Variants in ARID4B observed in about 807,000 individuals in gnomAD.
The protein encoded by ARID4B is AT-rich interactive domain-containing protein 4B.
A neutral mutation model predicts 147.5 loss-of-function variants in ARID4B; 26 were observed. The observed-to-expected ratio is 0.18, with a 90% CI of 0.13 to 0.24. The LOEUF (loss-of-function observed/expected upper bound fraction) is 0.24. Ranked by LOEUF, ARID4B falls within the 10% of genes least tolerant of loss-of-function variation. The probability of loss-of-function intolerance (pLI) is 1.00; values close to 1 mark genes in which losing one functional copy is unlikely to be tolerated. For missense variants in ARID4B, 1,179 were observed against 1,511.5 expected, an observed-to-expected ratio of 0.78 and a Z score of 3.65; for synonymous variants, 512 against 507.9, an observed-to-expected ratio of 1.01 and a Z score of -0.11.
intron 2 of ARID4B, among the ~76,000 whole-genome samples, chr1:235,309,630 G>A (rs75903955): frequency 0.087 from 6,659 of 76,302 alleles, 15 homozygotes; most frequent in South Asian, 0.15. Context: ...CTACTGGGAA[G>A]TGAGGAGCCC....
intron 16 of ARID4B, among the ~76,000 whole-genome samples, chr1:235,216,748 AATG>A (rs1309224775): frequency 1.3e-5 from 2 of 152,072 alleles, no homozygotes; most frequent in Non-Finnish European, 2.9e-5. Flanking sequence ...TGGGATTATC[AATG>A]ATAAATTATT....
chr1:235,283,863 T>C (rs11577824), intron 2 of ARID4B, among the ~76,000 whole-genome samples: 19,964 of 151,824 alleles, frequency 0.13, 1,523 homozygotes, highest in African/African-American at 0.2. Flanking sequence ...GCCTCCCGAG[T>C]AGCTGGGATT....
At chr1:235,248,109 C>T (rs976854480) in intron 6 of ARID4B, among the ~76,000 whole-genome samples, 4 of 152,090 alleles carry the variant, frequency 2.6e-5, no homozygotes, top group Admixed American at 6.5e-5. Context: ...AGTGCAGTGG[C>T]GGCATGATCA....
rs928470936 is a variant in ARID4B, at chr1:235,321,851, T to C, written c.6+5063A>G. 3.3e-5 allele frequency among the ~76,000 whole-genome samples: 5 copies of C among 152,054 alleles called. No individual in the cohort carries two copies. In the South Asian group the frequency reaches 6.2e-4, roughly 19 times the overall value. ...TCTATCCTCTCTGCTCCACTTCCAA[T>C]GCATTAGTTCAGGCCCTTATTCATT... On this transcript the variant is annotated intron_variant, in intron 2 of 23. Coordinates refer to ENST00000264183, the MANE Select transcript of ARID4B (RefSeq NM_016374.6).
At chr1:235,217,302 C>CTAAACCA (rs1667155549) in intron 16 of ARID4B, among the ~76,000 whole-genome samples, 1 of 152,064 alleles carries the variant, frequency 6.6e-6, no homozygotes, top group South Asian at 2.1e-4. Flanking sequence ...GACTAATGTG[C>CTAAACCA]TAAACCAGAT....
intron 2 of ARID4B, among the ~76,000 whole-genome samples, chr1:235,302,179 AGCAAAAAAAAACAAAGAAACAAGG>A (rs1673214708): frequency 1.0e-5 from 1 of 96,218 alleles, no homozygotes; most frequent in Non-Finnish European, 2.1e-5. Context: ...AAAAAAAAAC[AGCAAAAAAAAACAAAGAAACAAGG>A]AAAAGGAAGG....
At chr1:235,303,193 G>C (rs938500876) in intron 2 of ARID4B, among the ~76,000 whole-genome samples, 1 of 152,102 alleles carries the variant, frequency 6.6e-6, no homozygotes, top group Non-Finnish European at 1.5e-5. Flanking sequence ...AGAGTGCTAG[G>C]ATTACAGGCC....
chr1:235,308,701 T>C (rs1157370065), intron 2 of ARID4B, among the ~76,000 whole-genome samples: 5 of 152,160 alleles, frequency 3.3e-5, no homozygotes, highest in African/African-American at 4.8e-5. Context: ...GGTCTCCAGC[T>C]CCTAACCGCG....
intron 2 of ARID4B, among the ~76,000 whole-genome samples, chr1:235,325,933 A>C (rs1427820296): frequency 6.6e-6 from 1 of 152,228 alleles, no homozygotes; most frequent in East Asian, 1.9e-4. Context: ...TCTGAGGACA[A>C]GTGAAATATT....
At chr1:235,170,247 T>C (rs1663243474) in intron 23 of ARID4B, among the ~76,000 whole-genome samples, 1 of 152,196 alleles carries the variant, frequency 6.6e-6, no homozygotes, top group Non-Finnish European at 1.5e-5. Context: ...TGTTTACATA[T>C]TGCCTATGGG....
intron 20 of ARID4B, among the ~76,000 whole-genome samples, chr1:235,179,553 A>AC (rs1664144291): frequency 9.5e-5 from 14 of 147,252 alleles, no homozygotes; most frequent in African/African-American, 3.2e-4. Context: ...AAAAAAAAAA[A>AC]CCCAACAAAA....
At chr1:235,227,894 G>A (rs1201053545) in intron 11 of ARID4B, among the ~76,000 whole-genome samples, 3 of 147,152 alleles carry the variant, frequency 2.0e-5, no homozygotes, top group Non-Finnish European at 3.0e-5. Flanking sequence ...GAACAATGGC[G>A]CAATCTCAGC....
At chr1:235,292,615 C>CA (rs34794245) in intron 2 of ARID4B, among the ~76,000 whole-genome samples, 43,126 of 122,438 alleles carry the variant, frequency 0.35, 7,398 homozygotes, top group South Asian at 0.46. Flanking sequence ...GACTGTGTCT[C>CA]AAAAAAAAAA....
At chr1:235,244,869 A>G (rs1250075086) in intron 7 of ARID4B, among the ~76,000 whole-genome samples, 1 of 152,192 alleles carries the variant, frequency 6.6e-6, no homozygotes, top group Non-Finnish European at 1.5e-5. Context: ...ATCACTTTGA[A>G]GAAAGGGGAG....
At chr1:235,279,411 G>A (rs191100271) in intron 2 of ARID4B, among the ~76,000 whole-genome samples, 3 of 152,014 alleles carry the variant, frequency 2.0e-5, no homozygotes, top group African/African-American at 7.3e-5. Flanking sequence ...AAGATATCAG[G>A]ATAGTGATAA....
At chr1:235,310,972 C>G (rs2012384385) in intron 2 of ARID4B, among the ~76,000 whole-genome samples, 2 of 152,074 alleles carry the variant, frequency 1.3e-5, no homozygotes, top group Non-Finnish European at 1.5e-5. Flanking sequence ...CACCCGGCCC[C>G]CAAAATTAAC....
At chr1:235,187,077 CTTTT>C (rs11335836) in intron 19 of ARID4B, 630 of 265,940 alleles carry the variant, frequency 2.4e-3, no homozygotes, top group South Asian at 3.6e-3. Context: ...GCATCTTATT[CTTTT>C]TTTTTTTTTT....
intron 2 of ARID4B, among the ~76,000 whole-genome samples, chr1:235,321,325 T>C (rs945489448): frequency 1.3e-5 from 2 of 152,188 alleles, no homozygotes; most frequent in Non-Finnish European, 2.9e-5. Context: ...TCAAATATCA[T>C]AGATATGAGG....
intron 2 of ARID4B, among the ~76,000 whole-genome samples, chr1:235,278,765 T>G (rs1671495407): frequency 6.6e-6 from 1 of 152,200 alleles, no homozygotes; most frequent in African/African-American, 2.4e-5. Flanking sequence ...AGTCTTCAAT[T>G]GTCCTACCAC....
Sources: gnomAD v4.1 joint callset for allele counts (sites outside exome capture counted in the v4.1 genomes callset) on GRCh38, gnomAD v4.1.1 for gene constraint, MANE v1.5 for transcripts, NCBI Gene and HGNC (gene_info 2026-07-23, HGNC 2026-07-21) for gene names.